CLNK: variants seen among roughly 807,000 people sequenced by gnomAD.
The protein encoded by CLNK is cytokine dependent hematopoietic cell linker.
In CLNK, 74 loss-of-function variants were observed where a neutral mutation model predicts 68.6. The ratio of observed to expected loss-of-function variants is 1.08; its 90% CI spans 0.89 to 1.31. The LOEUF is 1.31. Ranked by LOEUF, CLNK falls within the 50% of genes most tolerant of loss-of-function variation. The pLI is 0.00. For synonymous variants in CLNK, 198 were observed against 172.2 expected (o/e 1.15, Z -1.17); for missense variants, 553 against 515.3 (o/e 1.07, Z -0.71).
intron 2 of CLNK, among the ~76,000 whole-genome samples, chr4:10,603,644 T>C (rs1454251119): frequency 6.6e-6 from 1 of 152,182 alleles, no homozygotes; most frequent in Non-Finnish European, 1.5e-5. Flanking sequence ...AAGTGGGCTG[T>C]GATGCAGTTG....
At chr4:10,682,660 G>T (rs903563120) in intron 1 of CLNK, among the ~76,000 whole-genome samples, 1 of 152,266 alleles carries the variant, frequency 6.6e-6, no homozygotes, top group African/African-American at 2.4e-5. Context: ...TCACACACTA[G>T]ATTCATGTCC....
chr4:10,564,855 T>A (rs1451380392), intron 6 of CLNK, 78 bp from the exon 7 acceptor site: 1 of 858,052 alleles, frequency 1.2e-6, no homozygotes. Flanking sequence ...TTTGCACATC[T>A]ACAAACTCAT....
intron 2 of CLNK, chr4:10,635,956 T>G (rs1372576618): frequency 6.6e-6 from 1 of 152,224 alleles, no homozygotes; most frequent in East Asian, 1.9e-4. Flanking sequence ...TTTGCTTTTC[T>G]CACAAAGTGG....
At chr4:10,635,063 G>C (rs1157698542) in intron 2 of CLNK, among the ~76,000 whole-genome samples, 2 of 151,988 alleles carry the variant, frequency 1.3e-5, no homozygotes, top group African/African-American at 4.8e-5. Context: ...CTTCTAACCT[G>C]GTTTCTAGAT....
chr4:10,656,951 T>C (rs1724012366), intron 2 of CLNK, among the ~76,000 whole-genome samples: 1 of 152,190 alleles, frequency 6.6e-6, no homozygotes, highest in African/African-American at 2.4e-5. Flanking sequence ...TAAAACAGAC[T>C]ATAGAACAAT....
chr4:10,621,667 G>T (rs2720359), intron 2 of CLNK, among the ~76,000 whole-genome samples: 103,229 of 152,128 alleles, frequency 0.68, 36,083 homozygotes, highest in East Asian at 0.77. Flanking sequence ...CCTCCAGGAT[G>T]ACATTAGGAA....
chr4:10,546,287 T>C (rs188681553), intron 8 of CLNK, among the ~76,000 whole-genome samples: 6 of 152,348 alleles, frequency 3.9e-5, no homozygotes, highest in African/African-American at 1.4e-4. Flanking sequence ...GAAATATCAA[T>C]GTAAGTTGCC....
At chr4:10,548,108 G>GTGT (rs2108812558) in intron 8 of CLNK, among the ~76,000 whole-genome samples, 1 of 152,290 alleles carries the variant, frequency 6.6e-6, no homozygotes, top group East Asian at 1.9e-4. Flanking sequence ...CTCACCAACT[G>GTGT]TGTGCAAGGG....
the CLNK span, among the ~76,000 whole-genome samples, chr4:10,708,673 G>C: frequency 6.6e-6 from 1 of 152,206 alleles, no homozygotes; most frequent in Non-Finnish European, 1.5e-5. Context: ...GGAAGGCAGG[G>C]CACATCATGG....
intron 2 of CLNK, among the ~76,000 whole-genome samples, chr4:10,612,858 G>T (rs1185346038): frequency 6.6e-6 from 1 of 152,206 alleles, no homozygotes; most frequent in Non-Finnish European, 1.5e-5. Flanking sequence ...GGCATCGAAG[G>T]TGTTTAGGTT....
intron 12 of CLNK, among the ~76,000 whole-genome samples, chr4:10,530,362 C>T (rs1052481263): frequency 6.6e-6 from 1 of 152,120 alleles, no homozygotes; most frequent in African/African-American, 2.4e-5. Flanking sequence ...GATTCTAGTC[C>T]ACAAGACAGT....
the CLNK span, among the ~76,000 whole-genome samples, chr4:10,720,728 G>A: frequency 1.5e-5 from 2 of 130,712 alleles, no homozygotes; most frequent in African/African-American, 5.2e-5. Context: ...TGTTGAAAAT[G>A]GATCACACAT....
At chr4:10,711,928 G>C in the CLNK span, among the ~76,000 whole-genome samples, 8 of 152,162 alleles carry the variant, frequency 5.3e-5, no homozygotes, top group African/African-American at 9.7e-5. Context: ...AGGTTCATTA[G>C]CATATTCAAC....
the CLNK span, among the ~76,000 whole-genome samples, chr4:10,711,631 T>C: frequency 6.6e-6 from 1 of 152,194 alleles, no homozygotes; most frequent in Non-Finnish European, 1.5e-5. Flanking sequence ...AAGCCTGTCT[T>C]TTTCCTGAAC....
intron 4 of CLNK, among the ~76,000 whole-genome samples, chr4:10,573,284 C>T (rs1396453598): frequency 6.6e-6 from 1 of 152,184 alleles, no homozygotes; most frequent in Admixed American, 6.5e-5. Flanking sequence ...ACACAGTTCT[C>T]TGGAATTTGC....
At chr4:10,702,869 C>T in the CLNK span, among the ~76,000 whole-genome samples, 1 of 152,144 alleles carries the variant, frequency 6.6e-6, no homozygotes, top group Non-Finnish European at 1.5e-5. Context: ...ACTTTCCCTT[C>T]TCACTTGATT....
chr4:10,597,927 A>G, intron 3 of CLNK, 51 bp downstream of exon 3: 1 of 1,262,276 alleles, frequency 7.9e-7, no homozygotes, highest in South Asian at 1.3e-5. Flanking sequence ...CTTATTTGCT[A>G]CAGAATTAAA....
At chr4:10,609,545 A>T (rs368710916) in intron 2 of CLNK, among the ~76,000 whole-genome samples, 44 of 152,314 alleles carry the variant, frequency 2.9e-4, no homozygotes, top group African/African-American at 9.1e-4. Context: ...GACATTAGGG[A>T]CCACCTGTCA....
intron 1 of CLNK, among the ~76,000 whole-genome samples, chr4:10,673,603 G>A (rs1325524183): frequency 6.6e-6 from 1 of 151,492 alleles, no homozygotes; most frequent in African/African-American, 2.4e-5. Context: ...GCACTCACAG[G>A]TGGTAGTTGA....
Sources: gnomAD v4.1 joint callset for allele counts (sites outside exome capture counted in the v4.1 genomes callset) on GRCh38, gnomAD v4.1.1 for gene constraint, MANE v1.5 for transcripts, NCBI Gene and HGNC (gene_info 2026-07-23, HGNC 2026-07-21) for gene names.